PAX5: variants seen among roughly 807,000 people sequenced by gnomAD.
PAX5 encodes paired box protein Pax-5.
PAX5 carries 9 observed loss-of-function variants against 43.7 expected under a neutral mutation model. That is an observed-to-expected ratio of 0.21 (90% CI 0.12 to 0.36). The LOEUF is 0.36. PAX5 is among the 10% of genes least tolerant of loss of function. PAX5 has a pLI of 1.00. For missense variants in PAX5, 383 were observed against 532.7 expected (o/e 0.72, Z 2.77); for synonymous variants, 228 against 214.3 (o/e 1.06, Z -0.56).
intron 1 of PAX5, among the ~76,000 whole-genome samples, chr9:37,032,696 C>T (rs1482951511): frequency 1.3e-5 from 2 of 152,210 alleles, no homozygotes; most frequent in Admixed American, 1.3e-4. Context: ...GGGCTTCTTG[C>T]CAGGGCCAAG....
chr9:36,957,824 TC>T (rs1230562085), intron 6 of PAX5, among the ~76,000 whole-genome samples: 1 of 151,892 alleles, frequency 6.6e-6, no homozygotes, highest in African/African-American at 2.4e-5. Context: ...CCTACCAAGC[TC>T]CCACCAGAGA....
intron 7 of PAX5, among the ~76,000 whole-genome samples, chr9:36,910,346 A>G (rs534104684): frequency 1.3e-5 from 2 of 152,188 alleles, no homozygotes; most frequent in Admixed American, 6.5e-5. Context: ...TAAATAATAT[A>G]TCTCAAAGAT....
At chr9:36,876,200 C>T (rs1265865344) in intron 8 of PAX5, among the ~76,000 whole-genome samples, 3 of 152,232 alleles carry the variant, frequency 2.0e-5, no homozygotes, top group African/African-American at 4.8e-5. Context: ...CACAAGGCTG[C>T]GCCCACCTCT....
intron 5 of PAX5, among the ~76,000 whole-genome samples, chr9:36,967,718 A>AAGTG (rs879527391): frequency 2.0e-5 from 3 of 152,210 alleles, no homozygotes; most frequent in African/African-American, 2.4e-5. Context: ...GGGAGGTAGG[A>AAGTG]AGTGAGTGAG....
intron 5 of PAX5, among the ~76,000 whole-genome samples, chr9:36,974,729 C>T (rs1295867433): frequency 1.3e-5 from 2 of 152,158 alleles, no homozygotes; most frequent in Non-Finnish European, 2.9e-5. Context: ...TAACACGGCA[C>T]CTGGCAGAGA....
rs919726971 is a variant in PAX5 at position 36,900,935 on chromosome 9, G to GA, written c.911-18831dup. Among the ~76,000 whole-genome samples the GA allele has an allele frequency of 4.5e-3, 49 of 10,866 alleles. No homozygotes were observed. In the South Asian group the frequency reaches 0.33, roughly 74 times the overall value. The allele number at this position is 10,866 out of a possible 152,430, so 7.1% of individuals were successfully genotyped here. A position where few individuals can be genotyped will look rare whatever the true frequency, so the allele number is the denominator to read the frequency against. The stretch of plus-strand genomic sequence containing the variant: ...CGGGTCCCCCAGACTCCAACCAGGG[G>GA]AGCATCGTTGATGGCCGCCCACCTG... On this transcript the variant is annotated intron_variant, in intron 7 of 9. Transcript: ENST00000358127.
At chr9:37,001,702 A>G (rs1234864249) in intron 5 of PAX5, among the ~76,000 whole-genome samples, 1 of 152,066 alleles carries the variant, frequency 6.6e-6, no homozygotes, top group African/African-American at 2.4e-5. Context: ...TGCTCATGAG[A>G]ACACACATCC....
chr9:37,002,061 C>T (rs1042860895), intron 5 of PAX5, among the ~76,000 whole-genome samples: 1 of 152,022 alleles, frequency 6.6e-6, no homozygotes, highest in Non-Finnish European at 1.5e-5. Flanking sequence ...GTAATCCCCC[C>T]CAACACCCCC....
chr9:37,003,175 A>C (rs868261580), intron 4 of PAX5, among the ~76,000 whole-genome samples: 17 of 151,136 alleles, frequency 1.1e-4, no homozygotes, highest in South Asian at 4.2e-4. Flanking sequence ...AAAAAAAAAA[A>C]AAAAAACCTG....
intron 9 of PAX5, among the ~76,000 whole-genome samples, chr9:36,843,630 T>C (rs1234736583): frequency 6.6e-6 from 1 of 152,246 alleles, no homozygotes; most frequent in Non-Finnish European, 1.5e-5. Context: ...TTTGTAGAGA[T>C]TCTGCAGTAG....
At chr9:36,952,553 T>C (rs1385510581) in intron 6 of PAX5, among the ~76,000 whole-genome samples, 1 of 152,222 alleles carries the variant, frequency 6.6e-6, no homozygotes, top group Non-Finnish European at 1.5e-5. Context: ...TTTGTTTCTT[T>C]ACGTCTCCTC....
chr9:36,954,331 G>A (rs943722801), intron 6 of PAX5, among the ~76,000 whole-genome samples: 1 of 152,200 alleles, frequency 6.6e-6, no homozygotes, highest in Non-Finnish European at 1.5e-5. Context: ...GTAAAGATCA[G>A]AGTAATGGTG....
At chr9:36,948,300 G>T (rs1302137660) in intron 6 of PAX5, among the ~76,000 whole-genome samples, 1 of 152,170 alleles carries the variant, frequency 6.6e-6, no homozygotes, top group Non-Finnish European at 1.5e-5. Context: ...TGAGAACAAG[G>T]TTACCGAGGC....
At chr9:36,990,657 A>G (rs185633836) in intron 5 of PAX5, among the ~76,000 whole-genome samples, 46 of 152,368 alleles carry the variant, frequency 3.0e-4, no homozygotes, top group African/African-American at 1.1e-3. Flanking sequence ...AGCAATGGGG[A>G]TGGAGAGAAA....
chr9:36,990,206 A>C (rs563975714), intron 5 of PAX5, among the ~76,000 whole-genome samples: 1 of 152,196 alleles, frequency 6.6e-6, no homozygotes, highest in Non-Finnish European at 1.5e-5. Context: ...TTACATGCAT[A>C]ATCTCATTCA....
rs568302830 is a variant in PAX5 at position 36,889,521 on chromosome 9, C to T, written c.911-7416G>A. 7.9e-5 allele frequency among the ~76,000 whole-genome samples: 12 copies of T among 152,306 alleles called. No homozygotes were observed. The East Asian group carries it at 1.7e-3, about 22-fold the overall frequency. ...TACAGATGTGGAAACTAAAACACAGCGAGATTAGGCACCTGCCCAAGTTCC... is the reference window on the plus strand; with the variant it reads ...TACAGATGTGGAAACTAAAACACAGTGAGATTAGGCACCTGCCCAAGTTCC... On this transcript the variant is annotated intron_variant, in intron 7 of 9. Coordinates refer to ENST00000358127, the MANE Select transcript of PAX5 (RefSeq NM_016734.3).
At chr9:36,979,873 C>A (rs1298298538) in intron 5 of PAX5, among the ~76,000 whole-genome samples, 2 of 152,198 alleles carry the variant, frequency 1.3e-5, no homozygotes, top group African/African-American at 4.8e-5. Flanking sequence ...CTGTCTACAG[C>A]TCCTTGTGCA....
At chr9:36,880,609 C>T (rs1826327244) in intron 8 of PAX5, among the ~76,000 whole-genome samples, 1 of 152,196 alleles carries the variant, frequency 6.6e-6, no homozygotes, top group African/African-American at 2.4e-5. Flanking sequence ...GTCGCCCAGG[C>T]TGGAGTGCAG....
chr9:36,987,033 C>T (rs1433020193), intron 5 of PAX5, among the ~76,000 whole-genome samples: 2 of 152,220 alleles, frequency 1.3e-5, no homozygotes, highest in African/African-American at 4.8e-5. Flanking sequence ...TGGGCACAGT[C>T]TAATCTTCCC....
Sources: gnomAD v4.1 joint callset for allele counts (sites outside exome capture counted in the v4.1 genomes callset) on GRCh38, gnomAD v4.1.1 for gene constraint, MANE v1.5 for transcripts, NCBI Gene and HGNC (gene_info 2026-07-23, HGNC 2026-07-21) for gene names.